Variants in PPIL4 observed in about 807,000 individuals in gnomAD.
The protein encoded by PPIL4 is peptidyl-prolyl cis-trans isomerase-like 4.
In PPIL4, 50 loss-of-function variants were observed where a neutral mutation model predicts 69.1. The ratio of observed to expected loss-of-function variants is 0.72; its 90% CI spans 0.58 to 0.92. PPIL4 has a LOEUF of 0.92. Among genes scored for constraint, PPIL4 ranks in the 40% least tolerant of loss-of-function variants. PPIL4 has a pLI of 0.00. For missense variants in PPIL4, 480 were observed against 587.9 expected (o/e 0.82, Z 1.90); for synonymous variants, 193 against 191.6 (o/e 1.01, Z -0.06).
chr6:149,529,073 A>C (rs1274565054), intron 7 of PPIL4, among the ~76,000 whole-genome samples: 1 of 152,098 alleles, frequency 6.6e-6, no homozygotes, highest in Non-Finnish European at 1.5e-5. Flanking sequence ...CTACAAAAAA[A>C]TTTAAAAATT....
intron 11 of PPIL4, among the ~76,000 whole-genome samples, chr6:149,515,310 C>T (rs140228319): frequency 1.6e-3 from 244 of 148,854 alleles, no homozygotes; most frequent in Non-Finnish European, 2.8e-3. Context: ...ATGGATCATA[C>T]GAAAGAAGAC....
chr6:149,520,766 C>T (rs985645660), intron 10 of PPIL4, among the ~76,000 whole-genome samples: 2 of 152,280 alleles, frequency 1.3e-5, no homozygotes, highest in Admixed American at 6.5e-5. Context: ...GTAATCCCAG[C>T]ACTTTGAGAG....
At chr6:149,534,546 A>G in intron 6 of PPIL4, 132 bp downstream of exon 6, 1 of 521,464 alleles carries the variant, frequency 1.9e-6, no homozygotes, top group South Asian at 3.2e-5. Context: ...AAAGAAAAAG[A>G]ACTCCAAACT....
chr6:149,512,246 G>A lies in PPIL4; in HGVS notation c.1136C>T (p.Ser379Leu). ...EQAEDSKSSH[S>L]HTSKKHKKKT... ...CTTCTTGTGTTTTTTACTTGTGTGT[G>A]AGTGACTTGATTTTGAGTCTTCGGC... The change falls in exon 12 of 13, where the codon TCA becomes TTA. Residue 379 changes from serine to leucine, a missense_variant. Physicochemically the swap from Ser to Leu is moderately radical, Grantham distance 145 (BLOSUM62 -2). Coordinates refer to ENST00000253329, the MANE Select transcript of PPIL4 (RefSeq NM_139126.4). 1 of 1,613,034 alleles carries A rather than the reference G, an allele frequency of 6.2e-7. No individual in the cohort carries two copies. Among genetic ancestry groups the A allele is most frequent in the Non-Finnish European group, 8.5e-7 (1 of 1,179,224 alleles).
At chr6:149,520,624 C>T (rs1486752977) in intron 10 of PPIL4, among the ~76,000 whole-genome samples, 1 of 151,956 alleles carries the variant, frequency 6.6e-6, no homozygotes, top group Admixed American at 6.6e-5. Context: ...TTCTAGATAG[C>T]AGGTTTGTAA....
intron 1 of PPIL4, 103 bp downstream of exon 1, chr6:149,545,833 G>A (rs2115043274): frequency 9.0e-7 from 1 of 1,108,988 alleles, no homozygotes; most frequent in East Asian, 2.7e-5. Flanking sequence ...CAGCCCAGAA[G>A]CTCGAGCTCT....
chr6:149,513,412 A>AAAT (rs1554215970), intron 11 of PPIL4, among the ~76,000 whole-genome samples: 37 of 55,326 alleles, frequency 6.7e-4, no homozygotes, highest in African/African-American at 2.7e-3. Flanking sequence ...AAAAAAAAAA[A>AAAT]ATATATATAT....
At chr6:149,533,633 T>G in intron 6 of PPIL4, 59 bp from the exon 7 acceptor site, 3 of 932,796 alleles carry the variant, frequency 3.2e-6, no homozygotes, top group African/African-American at 1.7e-5. Context: ...CTGAGAAACA[T>G]AGAAGACATA....
intron 1 of PPIL4, among the ~76,000 whole-genome samples, chr6:149,543,910 AAAAAAG>A (rs1156957918): frequency 6.6e-6 from 1 of 152,232 alleles, no homozygotes; most frequent in Non-Finnish European, 1.5e-5. Flanking sequence ...ATAAAAAGTT[AAAAAAG>A]AAAAGGAAGA....
rs1310206439 is a variant in PPIL4, at chr6:149,517,715, C to T, written c.983-265G>A. The T allele has an allele frequency of 2.6e-5, 7 of 265,960 alleles. No homozygotes were observed. The Admixed American group carries it at 3.8e-4, about 14-fold the overall frequency. The allele number at this position is 265,960 out of a possible 1,614,324, so 16.5% of individuals were successfully genotyped here. ...CTTTCAAATAAATTACACACAAATG[C>T]CGTGTTCAAGTAGAGCCATTGAGCC... is the stretch of plus-strand genomic sequence containing the variant. On this transcript the variant is annotated intron_variant, in intron 10 of 12. Transcript: ENST00000253329.
intron 1 of PPIL4, among the ~76,000 whole-genome samples, chr6:149,543,397 G>A (rs1203892300): frequency 1.3e-5 from 2 of 151,764 alleles, no homozygotes; most frequent in Admixed American, 6.5e-5. Context: ...TTTTTTCAAG[G>A]AAAAAAGGGG....
intron 10 of PPIL4, among the ~76,000 whole-genome samples, chr6:149,518,642 T>A (rs1021045554): frequency 6.6e-6 from 1 of 152,232 alleles, no homozygotes; most frequent in Non-Finnish European, 1.5e-5. Context: ...AACAGTCTAC[T>A]GCAAGAGTTA....
At chr6:149,515,828 A>G (rs942423223) in intron 11 of PPIL4, among the ~76,000 whole-genome samples, 5 of 151,896 alleles carry the variant, frequency 3.3e-5, no homozygotes, top group Admixed American at 1.3e-4. Context: ...CTTTTCTCCA[A>G]TTTCTTCCCT....
intron 12 of PPIL4, among the ~76,000 whole-genome samples, chr6:149,511,690 G>A (rs1008704727): frequency 6.6e-6 from 1 of 152,020 alleles, no homozygotes; most frequent in African/African-American, 2.4e-5. Flanking sequence ...GTGCTGTTCA[G>A]GAGAGCTTTT....
Position 149,505,506 on chromosome 6 carries a change from G to A in PPIL4, c.1426C>T (p.Arg476Ter), listed in dbSNP as rs751470305. ...TTGGACTTCTTTGGACTTCTGCTTC[G>A]GTCTCTCTTTTTACTCCTTTCTCTT... Reference protein sequence around the residue: ...YERERSKKRDRSRSPKKSKDK... With the variant: ...YERERSKKRD Residue 476 changes from arginine (R) to a stop codon, truncating the protein, a stop_gained, in exon 13 of 13, where the codon CGA (arginine) becomes TGA (stop). Coordinates refer to ENST00000253329, the MANE Select transcript of PPIL4 (RefSeq NM_139126.4). LOFTEE classifies it high-confidence loss of function. 3.1e-6 allele frequency: 5 copies of A among 1,613,294 alleles called. No homozygotes were observed. The highest frequency in any genetic ancestry group is 1.3e-5 in the African/African-American group (1 of 74,774).
At chr6:149,525,425 T>C (rs996878266) in intron 8 of PPIL4, among the ~76,000 whole-genome samples, 1 of 152,212 alleles carries the variant, frequency 6.6e-6, no homozygotes, top group Non-Finnish European at 1.5e-5. Flanking sequence ...AAGTGCCTTA[T>C]ATAGGCCTAC....
intron 9 of PPIL4, among the ~76,000 whole-genome samples, chr6:149,523,768 T>C (rs956379128): frequency 3.9e-5 from 6 of 152,114 alleles, no homozygotes; most frequent in African/African-American, 1.4e-4. Flanking sequence ...GTCATTAGTC[T>C]ATGTGCTACA....
chr6:149,519,589 T>C (rs1028789949), intron 10 of PPIL4, among the ~76,000 whole-genome samples: 1 of 152,222 alleles, frequency 6.6e-6, no homozygotes, highest in African/African-American at 2.4e-5. Flanking sequence ...GAGAAACTAA[T>C]AGTACATGGA....
intron 7 of PPIL4, 78 bp downstream of exon 7, chr6:149,533,380 T>C (rs981020688): frequency 1.2e-6 from 1 of 809,902 alleles, no homozygotes; most frequent in Non-Finnish European, 2.0e-6. Flanking sequence ...TTAAGACTAC[T>C]GAAGAGCCAG....
Sources: allele counts gnomAD v4.1 joint callset (sites outside exome capture counted in the v4.1 genomes callset), GRCh38; gene constraint gnomAD v4.1.1; transcripts MANE v1.5; gene names NCBI Gene and HGNC (gene_info 2026-07-23, HGNC 2026-07-21).